The following POLD3 variants were observed in gnomAD, a reference collection of about 807,000 sequenced individuals.
POLD3 encodes the protein DNA polymerase delta subunit 3.
A neutral mutation model predicts 58.2 loss-of-function variants in POLD3; 19 were observed. The ratio of observed to expected loss-of-function variants is 0.33; its 90% CI spans 0.23 to 0.48. POLD3 has a LOEUF of 0.48. Ranked by LOEUF, POLD3 falls within the 20% of genes least tolerant of loss-of-function variation. POLD3 has a pLI of 0.99. For missense variants in POLD3, 504 were observed against 545.5 expected, an observed-to-expected ratio of 0.92 and a Z score of 0.76; for synonymous variants, 172 against 193.5, an observed-to-expected ratio of 0.89 and a Z score of 0.92.
At chr11:74,608,224 C>G (rs2031763325) in intron 3 of POLD3, among the ~76,000 whole-genome samples, 1 of 152,128 alleles carries the variant, frequency 6.6e-6, no homozygotes, top group Admixed American at 6.5e-5. Flanking sequence ...CAAGCGATCC[C>G]CTTGCCTCAG....
intron 2 of POLD3, among the ~76,000 whole-genome samples, chr11:74,595,833 G>A (rs981210798): frequency 2.6e-5 from 4 of 152,058 alleles, no homozygotes; most frequent in South Asian, 2.1e-4. Flanking sequence ...TCCCATGCTG[G>A]TCCCAGGCTG....
At chr11:74,631,094 T>C (rs2032576575) in intron 9 of POLD3, among the ~76,000 whole-genome samples, 1 of 152,220 alleles carries the variant, frequency 6.6e-6, no homozygotes, top group African/African-American at 2.4e-5. Context: ...ATTCTTAAAT[T>C]TCATCTTTGT....
At position 74,618,671 on chromosome 11, in the gene POLD3, G is replaced by T; in HGVS notation, c.527G>T (p.Gly176Val). 6.2e-7 allele frequency: 1 copy of T among 1,614,122 alleles called. No individual in the cohort carries two copies. The stretch of plus-strand genomic sequence containing the variant: ...GCCAACAATGAGCTGACCACCAATG[G>T]TCATGGCCCACCTGCATCCAAGCAG... Reference protein sequence around the residue: ...TQANNELTTNGHGPPASKQVS... With the variant: ...TQANNELTTNVHGPPASKQVS... Residue 176 changes from glycine (G) to valine (V), a missense_variant, in exon 6 of 12, where the codon GGT becomes GTT. Physicochemically the swap from Gly to Val is moderately radical, Grantham distance 109 (BLOSUM62 -3). Coordinates refer to ENST00000263681, the MANE Select transcript of POLD3 (RefSeq NM_006591.3).
At chr11:74,602,638 C>G (rs2031543166) in intron 2 of POLD3, among the ~76,000 whole-genome samples, 1 of 152,088 alleles carries the variant, frequency 6.6e-6, no homozygotes. Flanking sequence ...CTCCCTTGCC[C>G]CTCTACAGTA....
chr11:74,594,334 T>C (rs1456518061), intron 2 of POLD3, among the ~76,000 whole-genome samples: 1 of 152,216 alleles, frequency 6.6e-6, no homozygotes, highest in Non-Finnish European at 1.5e-5. Context: ...GTCCATCTTA[T>C]ATGAACACCA....
intron 11 of POLD3, chr11:74,638,515 A>G: frequency 2.4e-6 from 1 of 415,558 alleles, no homozygotes; most frequent in East Asian, 7.1e-5. Context: ...AGTAGAAAGT[A>G]ATTTCCTTTC....
intron 11 of POLD3, among the ~76,000 whole-genome samples, chr11:74,638,149 T>A (rs139745604): frequency 1.3e-5 from 2 of 152,310 alleles, no homozygotes; most frequent in East Asian, 3.9e-4. Flanking sequence ...TGCCTTTTTT[T>A]AATGGCAACC....
intron 7 of POLD3, among the ~76,000 whole-genome samples, chr11:74,620,615 T>C (rs1053287472): frequency 2.6e-5 from 4 of 152,212 alleles, no homozygotes; most frequent in East Asian, 1.9e-4. Context: ...TAAAAATCTT[T>C]TTTGAGAAAG....
intron 1 of POLD3, 128 bp from the exon 2 acceptor site, chr11:74,593,933 G>A (rs1236440694): frequency 1.7e-6 from 1 of 592,860 alleles, no homozygotes; most frequent in Admixed American, 3.2e-5. Flanking sequence ...GAAAACTGCA[G>A]TGGCATTTAT....
chr11:74,626,082 C>T (rs1456891227), intron 8 of POLD3, among the ~76,000 whole-genome samples: 1 of 152,082 alleles, frequency 6.6e-6, no homozygotes, highest in Admixed American at 6.6e-5. Flanking sequence ...GGAGACACTA[C>T]CTCATAGTTG....
intron 4 of POLD3, among the ~76,000 whole-genome samples, chr11:74,658,110 T>A (rs1221271111): frequency 6.6e-6 from 1 of 151,922 alleles, no homozygotes; most frequent in Admixed American, 6.6e-5. Flanking sequence ...CAAAAAGAGG[T>A]TTAATTGGAC....
chr11:74,614,829 AG>A (rs2032033713), intron 5 of POLD3, among the ~76,000 whole-genome samples: 1 of 152,166 alleles, frequency 6.6e-6, no homozygotes, highest in South Asian at 2.1e-4. Flanking sequence ...TGGCTTGGGC[AG>A]CTGGGTACTA....
At chr11:74,662,758 G>A (rs930116929) in intron 4 of POLD3, among the ~76,000 whole-genome samples, 5 of 152,114 alleles carry the variant, frequency 3.3e-5, no homozygotes, top group Admixed American at 2.0e-4. Flanking sequence ...TTGCCTAGGA[G>A]TTGCAGTCCT....
chr11:74,642,433 T>C lies in POLD3; in HGVS notation c.*1667T>C. The C allele has an allele frequency of 3.0e-6, 3 of 985,274 alleles. No individual in the cohort carries two copies. Among genetic ancestry groups the C allele is most frequent in the Non-Finnish European group, 3.6e-6 (3 of 829,748 alleles). 61.0% of individuals were successfully genotyped at this position (985,274 alleles called of 1,614,324 possible). A position where few individuals can be genotyped will look rare whatever the true frequency, so the allele number is the denominator to read the frequency against. ...TTACTTTTGTCATTGCCTCTGGTCA[T>C]TTGTCTAAATAGGAATGGAAAATTA... is the stretch of plus-strand genomic sequence containing the variant. On this transcript the variant is annotated 3_prime_UTR_variant, in exon 12 of 12. Coordinates refer to ENST00000263681, the MANE Select transcript of POLD3 (RefSeq NM_006591.3).
At chr11:74,632,875 A>ATT (rs1157307914) in intron 9 of POLD3, among the ~76,000 whole-genome samples, 114 of 59,254 alleles carry the variant, frequency 1.9e-3, no homozygotes, top group Middle Eastern at 9.8e-3. Flanking sequence ...TATTTAAGTA[A>ATT]ATACACACAC....
At chr11:74,604,380 G>A (rs976876917) in intron 2 of POLD3, among the ~76,000 whole-genome samples, 9 of 152,286 alleles carry the variant, frequency 5.9e-5, no homozygotes, top group African/African-American at 2.2e-4. Flanking sequence ...TCTTGATTCA[G>A]TGTTCTATTT....
chr11:74,618,699 T>C lies in POLD3; in HGVS notation c.555T>C (p.Val185=). The part of the protein sequence containing the change: ...NGHGPPASKQ[V]SQQPKGIMGM... ...ATGGCCCACCTGCATCCAAGCAGGT[T>C]TCCCAGCAGCCCAAAGGAATTATGG... The change falls in exon 6 of 12, where the codon GTT becomes GTC. Residue 185 remains valine, a synonymous_variant. Coordinates refer to ENST00000263681, the MANE Select transcript of POLD3 (RefSeq NM_006591.3). The C allele has an allele frequency of 1.2e-6, 2 of 1,614,116 alleles. No individual in the cohort carries two copies. Among genetic ancestry groups the C allele is most frequent in the Non-Finnish European group, 1.7e-6 (2 of 1,179,960 alleles).
At chr11:74,593,131 C>G in intron 1 of POLD3, 1 of 700,134 alleles carries the variant, frequency 1.4e-6, no homozygotes, top group South Asian at 5.4e-5. Flanking sequence ...ATACTGTTTC[C>G]TCTTCCTGGA....
At chr11:74,663,988 G>A (rs921992796) in intron 4 of POLD3, among the ~76,000 whole-genome samples, 5 of 151,950 alleles carry the variant, frequency 3.3e-5, no homozygotes, top group South Asian at 2.1e-4. Context: ...AATAAGAACC[G>A]GCACTGAATA....
Sources: allele counts gnomAD v4.1 joint callset (sites outside exome capture counted in the v4.1 genomes callset), GRCh38; gene constraint gnomAD v4.1.1; transcripts MANE v1.5; gene names NCBI Gene and HGNC (gene_info 2026-07-23, HGNC 2026-07-21).